Variants in ZMYM4 observed in about 807,000 individuals in gnomAD.
The protein encoded by ZMYM4 is zinc finger MYM-type protein 4.
Under a neutral mutation model 183.2 loss-of-function variants are expected in ZMYM4, and 31 were observed. The ratio of observed to expected loss-of-function variants is 0.17; its 90% CI spans 0.13 to 0.23. The LOEUF (loss-of-function observed/expected upper bound fraction) is 0.23, where lower values mean the gene tolerates loss of function less well. Among genes scored for constraint, ZMYM4 ranks in the 10% least tolerant of loss-of-function variants. The pLI is 1.00. For missense variants in ZMYM4, 1,273 were observed against 1,840.3 expected (o/e 0.69, Z 5.64); for synonymous variants, 592 against 631.2 (o/e 0.94, Z 0.93).
intron 2 of ZMYM4, among the ~76,000 whole-genome samples, chr1:35,329,741 G>A (rs1245141847): frequency 3.3e-5 from 5 of 152,072 alleles, no homozygotes; most frequent in Admixed American, 3.3e-4. Flanking sequence ...TTTAACTGAG[G>A]CAGGGTCTTG....
chr1:35,417,766 T>G (rs1402932990), intron 28 of ZMYM4, among the ~76,000 whole-genome samples: 3 of 152,020 alleles, frequency 2.0e-5, no homozygotes. Flanking sequence ...TCCCAGCACT[T>G]TGGGAGGCCG....
rs758540076 is a variant in ZMYM4 at position 35,313,691 on chromosome 1, T to TG, written c.40-11668dup. On this transcript the variant is annotated intron_variant, in intron 1 of 29. Coordinates refer to ENST00000314607, the MANE Select transcript of ZMYM4 (RefSeq NM_005095.3). The stretch of plus-strand genomic sequence containing the variant: ...GGTGTGAGCCACCTCACCTGGCCTC[T>TG]GTCACTTTTATTTGCAGTGACAGTC... 9.8e-5 allele frequency among the ~76,000 whole-genome samples: 15 copies of TG among 152,304 alleles called. 1 individual carries two copies. The highest frequency in any genetic ancestry group is 2.9e-4 in the African/African-American group (12 of 41,576).
intron 9 of ZMYM4, among the ~76,000 whole-genome samples, chr1:35,383,976 C>G (rs913279193): frequency 7.9e-5 from 12 of 152,146 alleles, no homozygotes; most frequent in Admixed American, 5.9e-4. Flanking sequence ...GAAAGAATGC[C>G]TAGTATGTAA....
chr1:35,311,565 A>G (rs1237866706), intron 1 of ZMYM4, among the ~76,000 whole-genome samples: 1 of 152,000 alleles, frequency 6.6e-6, no homozygotes, highest in Non-Finnish European at 1.5e-5. Flanking sequence ...TGAGCGTACC[A>G]CTGTACCCTA....
chr1:35,360,430 A>G (rs1202049305), intron 3 of ZMYM4, among the ~76,000 whole-genome samples: 1 of 152,108 alleles, frequency 6.6e-6, no homozygotes, highest in Non-Finnish European at 1.5e-5. Context: ...ATTTCTTCTA[A>G]CAATGCTAGG....
At position 35,397,392 on chromosome 1, in the gene ZMYM4, C is replaced by T; in HGVS notation, c.3046C>T (p.Leu1016Phe). The T allele has an allele frequency of 6.2e-7, 1 of 1,605,300 alleles. No individual in the cohort carries two copies. Among genetic ancestry groups the T allele is most frequent in the African/African-American group, 1.3e-5 (1 of 74,736 alleles). The change falls in exon 20 of 30, where the codon CTT becomes TTT. Residue 1016 changes from leucine to phenylalanine, a missense_variant. Coordinates refer to ENST00000314607, the MANE Select transcript of ZMYM4 (RefSeq NM_005095.3). Reference sequence around the variant, plus strand: ...GGTCTTTCAGATGCCTGTCCCTATGCTTATTCCATCTTCAATGGATAGTGA... The same window carrying T: ...GGTCTTTCAGATGCCTGTCCCTATGTTTATTCCATCTTCAATGGATAGTGA... ...GIPVPMPVPM[L>F]IPSSMDSEDK... is the part of the protein sequence containing the mutation.
At chr1:35,404,285 G>T (rs567417352) in intron 23 of ZMYM4, among the ~76,000 whole-genome samples, 1 of 151,928 alleles carries the variant, frequency 6.6e-6, no homozygotes, top group Non-Finnish European at 1.5e-5. Context: ...GGCTTATTTC[G>T]AACTCCTGGG....
intron 2 of ZMYM4, among the ~76,000 whole-genome samples, chr1:35,326,216 C>A (rs1642497507): frequency 6.6e-6 from 1 of 152,076 alleles, no homozygotes; most frequent in Non-Finnish European, 1.5e-5. Context: ...TATTTTTAGT[C>A]ACAAAAACAC....
intron 7 of ZMYM4, among the ~76,000 whole-genome samples, chr1:35,380,012 TATA>T (rs1244689381): frequency 2.0e-5 from 3 of 152,190 alleles, no homozygotes; most frequent in African/African-American, 7.2e-5. Flanking sequence ...ACTACCAAAA[TATA>T]ATACAGAGAC....
In ZMYM4 at chr1:35,354,727, T is replaced by TAAAAAA. The variant is rs57493035; in HGVS notation, c.86-4174_86-4169dup. ...GGGCGACAGAGTGAAACTTTGTCTTTAAAAAAAAAAAAAAAAAAAAAAAAA... is the reference window on the plus strand; with the variant it reads ...GGGCGACAGAGTGAAACTTTGTCTTTAAAAAAAAAAAAAAAAAAAAAAAAAAAAAAA... On this transcript the variant is annotated intron_variant, in intron 2 of 29. Coordinates refer to ENST00000314607, the MANE Select transcript of ZMYM4 (RefSeq NM_005095.3). 9.8e-3 allele frequency among the ~76,000 whole-genome samples: 826 copies of TAAAAAA among 83,978 alleles called. 39 individuals carry two copies. The highest frequency in any genetic ancestry group is 0.043 in the African/African-American group (729 of 17,118). The allele number at this position is 83,978 out of a possible 152,430, so 55.1% of individuals were successfully genotyped here. A position where few individuals can be genotyped will look rare whatever the true frequency, so the allele number is the denominator to read the frequency against.
At chr1:35,270,150 C>T (rs779190709) in intron 1 of ZMYM4, among the ~76,000 whole-genome samples, 4 of 152,098 alleles carry the variant, frequency 2.6e-5, no homozygotes, top group Non-Finnish European at 5.9e-5. Flanking sequence ...GTAACTCCTC[C>T]TAGAACCTAT....
intron 28 of ZMYM4, among the ~76,000 whole-genome samples, chr1:35,417,363 TATA>T (rs1640160489): frequency 6.6e-6 from 1 of 152,166 alleles, no homozygotes; most frequent in Admixed American, 6.5e-5. Context: ...GACTTCCTTA[TATA>T]ATGCTTGGCC....
intron 1 of ZMYM4, among the ~76,000 whole-genome samples, chr1:35,275,275 T>C (rs1187335749): frequency 6.6e-6 from 1 of 152,144 alleles, no homozygotes; most frequent in African/African-American, 2.4e-5. Flanking sequence ...AGAGTCTTGC[T>C]CTGTCGCCTA....
At chr1:35,310,103 T>C (rs2148778109) in intron 1 of ZMYM4, among the ~76,000 whole-genome samples, 1 of 152,146 alleles carries the variant, frequency 6.6e-6, no homozygotes, top group South Asian at 2.1e-4. Context: ...CTAATGTTTG[T>C]ATATTTTTTT....
Position 35,404,950 on chromosome 1 carries a change from A to C in ZMYM4, c.3529-73A>C, listed in dbSNP as rs538314665. ...TATTCTACAAATGTATACCCTTTCC[A>C]GCTTTGAGAACCCTGACTCTTAAAA... is the stretch of plus-strand genomic sequence containing the variant. On this transcript the variant is annotated intron_variant, in intron 23 of 29. Coordinates refer to ENST00000314607, the MANE Select transcript of ZMYM4 (RefSeq NM_005095.3). 2.1e-6 allele frequency: 3 copies of C among 1,447,112 alleles called. No individual in the cohort carries two copies. The South Asian group carries it at 4.4e-5, about 21-fold the overall frequency. 89.6% of individuals were successfully genotyped at this position (1,447,112 alleles called of 1,614,324 possible). A position where few individuals can be genotyped will look rare whatever the true frequency, so the allele number is the denominator to read the frequency against.
At chr1:35,364,526 A>G (rs1470316443) in intron 5 of ZMYM4, among the ~76,000 whole-genome samples, 1 of 152,180 alleles carries the variant, frequency 6.6e-6, no homozygotes, top group Admixed American at 6.5e-5. Flanking sequence ...TTGCCTTTCA[A>G]AATTGCATAA....
intron 1 of ZMYM4, among the ~76,000 whole-genome samples, chr1:35,317,307 C>T (rs1177438758): frequency 6.6e-6 from 1 of 151,102 alleles, no homozygotes; most frequent in African/African-American, 2.4e-5. Flanking sequence ...GAAGGCGGCA[C>T]CTGTAATCCC....
At chr1:35,415,965 T>G (rs1050611850) in intron 28 of ZMYM4, among the ~76,000 whole-genome samples, 2 of 152,242 alleles carry the variant, frequency 1.3e-5, no homozygotes. Context: ...TCAAATAGCC[T>G]GCATTTTAAA....
intron 26 of ZMYM4, among the ~76,000 whole-genome samples, chr1:35,410,091 C>T (rs958350349): frequency 6.6e-6 from 1 of 152,064 alleles, no homozygotes; most frequent in Non-Finnish European, 1.5e-5. Context: ...GGGGAGCAGG[C>T]GTCTCATGGC....
Sources: gnomAD v4.1 joint callset for allele counts (sites outside exome capture counted in the v4.1 genomes callset) on GRCh38, gnomAD v4.1.1 for gene constraint, MANE v1.5 for transcripts, NCBI Gene and HGNC (gene_info 2026-07-23, HGNC 2026-07-21) for gene names.